UMAD1: variants seen among roughly 807,000 people sequenced by gnomAD.
The protein encoded by UMAD1 is UBAP1-MVB12-associated (UMA) domain containing 1, also known as UBAP1-MVB12-associated (UMA)-domain containing protein 1.
A neutral mutation model predicts 6.1 loss-of-function variants in UMAD1; 8 were observed. That is an observed-to-expected ratio of 1.30 (90% CI 0.76 to 2.35). The LOEUF (loss-of-function observed/expected upper bound fraction) is 2.35. Among genes scored for constraint, UMAD1 ranks in the 30% most tolerant of loss-of-function variants. The pLI is 0.00. For missense variants in UMAD1, 130 were observed against 78.4 expected, an observed-to-expected ratio of 1.66 and a Z score of -2.49; for synonymous variants, 56 against 31.4, an observed-to-expected ratio of 1.78 and a Z score of -2.61.
intron 3 of UMAD1, among the ~76,000 whole-genome samples, chr7:7,825,035 C>G (rs1563237047): frequency 6.6e-6 from 1 of 152,020 alleles, no homozygotes; most frequent in Admixed American, 6.6e-5. Flanking sequence ...GTAAGTTTGC[C>G]TTTGGCACAC....
chr7:7,715,145 C>G lies in UMAD1; in HGVS notation c.82+41692C>G, dbSNP rs1780866235. On this transcript the variant is annotated intron_variant, in intron 2 of 3. Transcript: ENST00000682710. ...TCTCACCATTAATATGCACCTTCAGCATAGAAACAGTTAAAGAAAATAAAC... is the reference window on the plus strand; with the variant it reads ...TCTCACCATTAATATGCACCTTCAGGATAGAAACAGTTAAAGAAAATAAAC... 3 of 152,134 alleles carry G rather than the reference C, an allele frequency of 2.0e-5. 1 individual carries two copies. The South Asian group carries it at 6.2e-4, about 31-fold the overall frequency. The allele number at this position is 152,134 out of a possible 1,614,324, so 9.4% of individuals were successfully genotyped here. A position where few individuals can be genotyped will look rare whatever the true frequency, so the allele number is the denominator to read the frequency against.
intron 3 of UMAD1, among the ~76,000 whole-genome samples, chr7:7,860,786 A>C (rs1419039910): frequency 2.0e-5 from 3 of 148,290 alleles, no homozygotes; most frequent in African/African-American, 4.9e-5. Context: ...AAAAAAAAAA[A>C]AATAACAAAA....
intron 3 of UMAD1, among the ~76,000 whole-genome samples, chr7:7,825,044 A>G (rs1288171636): frequency 6.6e-6 from 1 of 152,122 alleles, no homozygotes; most frequent in African/African-American, 2.4e-5. Context: ...CCTTTGGCAC[A>G]CTTTCCATTC....
intron 2 of UMAD1, among the ~76,000 whole-genome samples, chr7:7,771,309 G>A (rs1373615995): frequency 6.6e-6 from 1 of 152,092 alleles, no homozygotes; most frequent in Non-Finnish European, 1.5e-5. Flanking sequence ...CATATAGCTA[G>A]GGTTTTTGGA....
At chr7:7,725,181 A>G (rs924562479) in intron 2 of UMAD1, among the ~76,000 whole-genome samples, 2 of 152,220 alleles carry the variant, frequency 1.3e-5, no homozygotes, top group Non-Finnish European at 2.9e-5. Flanking sequence ...CAACCAAGGA[A>G]GAGGTACAAC....
chr7:7,731,482 AC>A lies in UMAD1; in HGVS notation c.82+58038del, dbSNP rs60208794. 1.9e-4 allele frequency among the ~76,000 whole-genome samples: 22 copies of A among 112,992 alleles called. 2 individuals are homozygous for A. Among genetic ancestry groups the A allele is most frequent in the African/African-American group, 6.6e-4 (19 of 28,624 alleles). The allele number at this position is 112,992 out of a possible 152,430, so 74.1% of individuals were successfully genotyped here. A position where few individuals can be genotyped will look rare whatever the true frequency, so the allele number is the denominator to read the frequency against. ...AAGGAAAAGGAAAAGCAAACAAACA[AC>A]CCCCCCCCAAAAAAAAAACACTTCT... On this transcript the variant is annotated intron_variant, in intron 2 of 3. Coordinates refer to ENST00000682710, the MANE Select transcript of UMAD1 (RefSeq NM_001302348.2).
intron 3 of UMAD1, among the ~76,000 whole-genome samples, chr7:7,811,491 C>G (rs928767627): frequency 6.6e-6 from 1 of 152,118 alleles, no homozygotes; most frequent in Non-Finnish European, 1.5e-5. Flanking sequence ...TTGTTGGACT[C>G]CTTAGCTCAC....
intron 3 of UMAD1, among the ~76,000 whole-genome samples, chr7:7,874,447 A>G (rs1367498768): frequency 2.6e-5 from 4 of 152,236 alleles, no homozygotes; most frequent in African/African-American, 7.2e-5. Context: ...AACAATTTAG[A>G]TGAATCTCAT....
At chr7:7,685,624 A>T (rs888098445) in intron 2 of UMAD1, among the ~76,000 whole-genome samples, 3 of 152,142 alleles carry the variant, frequency 2.0e-5, no homozygotes, top group African/African-American at 7.2e-5. Flanking sequence ...ATCTTTATAA[A>T]TGTGAATTTC....
chr7:7,841,355 C>T (rs912735370), intron 3 of UMAD1, among the ~76,000 whole-genome samples: 1 of 149,056 alleles, frequency 6.7e-6, no homozygotes, highest in Non-Finnish European at 1.5e-5. Flanking sequence ...TGCTCTGTCG[C>T]CAAGGCTGGA....
intron 2 of UMAD1, among the ~76,000 whole-genome samples, chr7:7,795,692 T>G (rs1029000722): frequency 5.3e-5 from 8 of 152,318 alleles, no homozygotes; most frequent in African/African-American, 1.7e-4. Context: ...AGGGTTTCTC[T>G]TCCTTTTAGA....
chr7:7,741,578 AAAT>A (rs201307561), intron 2 of UMAD1, among the ~76,000 whole-genome samples: 2,031 of 139,372 alleles, frequency 0.015, 17 homozygotes, highest in Middle Eastern at 0.03. Flanking sequence ...CAACGTCTCA[AAAT>A]AATAATAATA....
intron 1 of UMAD1, among the ~76,000 whole-genome samples, chr7:7,642,367 T>C (rs983915240): frequency 2.0e-5 from 3 of 152,032 alleles, no homozygotes; most frequent in Non-Finnish European, 4.4e-5. Flanking sequence ...TTGACCAGGC[T>C]TATCTCAAAC....
At chr7:7,644,523 A>G (rs1413430997) in intron 1 of UMAD1, among the ~76,000 whole-genome samples, 1 of 152,140 alleles carries the variant, frequency 6.6e-6, no homozygotes, top group African/African-American at 2.4e-5. Context: ...TGCCTTTCAT[A>G]TTTAATAGTC....
At chr7:7,838,381 G>C (rs903612316) in intron 3 of UMAD1, among the ~76,000 whole-genome samples, 3 of 152,054 alleles carry the variant, frequency 2.0e-5, no homozygotes, top group Admixed American at 2.0e-4. Flanking sequence ...GACCATACAC[G>C]TATGGAAGAG....
At chr7:7,658,737 A>G (rs1220816352) in intron 1 of UMAD1, among the ~76,000 whole-genome samples, 2 of 152,200 alleles carry the variant, frequency 1.3e-5, no homozygotes, top group African/African-American at 4.8e-5. Context: ...GTATTTTTGC[A>G]TCGATATTCA....
At chr7:7,853,359 G>T (rs1303315731) in intron 3 of UMAD1, among the ~76,000 whole-genome samples, 4 of 152,092 alleles carry the variant, frequency 2.6e-5, no homozygotes, top group African/African-American at 9.7e-5. Flanking sequence ...GAAATCAGTT[G>T]GGATTCTGAT....
chr7:7,649,132 C>G (rs1246024527), intron 1 of UMAD1, among the ~76,000 whole-genome samples: 1 of 129,822 alleles, frequency 7.7e-6, no homozygotes, highest in East Asian at 2.3e-4. Flanking sequence ...CACTCCAGCC[C>G]GTGCGACAAG....
At chr7:7,670,871 C>A (rs1384284919) in intron 1 of UMAD1, among the ~76,000 whole-genome samples, 1 of 152,128 alleles carries the variant, frequency 6.6e-6, no homozygotes, top group Non-Finnish European at 1.5e-5. Context: ...TTTGGGGGAC[C>A]CCTATCTTGG....
Sources: allele counts gnomAD v4.1 joint callset (sites outside exome capture counted in the v4.1 genomes callset), GRCh38; gene constraint gnomAD v4.1.1; transcripts MANE v1.5; gene names NCBI Gene and HGNC (gene_info 2026-07-23, HGNC 2026-07-21).